The following ARAP2 variants were observed in gnomAD, a reference collection of about 807,000 sequenced individuals.
ARAP2 encodes the protein ArfGAP with RhoGAP domain, ankyrin repeat and PH domain 2.
In ARAP2, 148 loss-of-function variants were observed where a neutral mutation model predicts 194.5. The ratio of observed to expected loss-of-function variants is 0.76; its 90% CI spans 0.67 to 0.87. The LOEUF (loss-of-function observed/expected upper bound fraction) is 0.87. Ranked by LOEUF, ARAP2 falls within the 40% of genes least tolerant of loss-of-function variation. ARAP2 has a pLI of 0.00. For missense variants in ARAP2, 2,128 were observed against 1,989.7 expected (o/e 1.07, Z -1.32); for synonymous variants, 695 against 683.5 (o/e 1.02, Z -0.26).
intron 5 of ARAP2, among the ~76,000 whole-genome samples, chr4:36,040,980 C>G (rs774735306): frequency 4.3e-4 from 65 of 151,112 alleles, no homozygotes; most frequent in Non-Finnish European, 5.9e-4. Flanking sequence ...GTAGATGGCT[C>G]TTATTATTTT....
chr4:36,136,911 C>G (rs1442257038), intron 19 of ARAP2, among the ~76,000 whole-genome samples: 1 of 105,786 alleles, frequency 9.5e-6, no homozygotes, highest in Non-Finnish European at 1.8e-5. Context: ...TTAGAATGGA[C>G]ACACACATAC....
At chr4:36,148,561 A>G in intron 16 of ARAP2, 54 bp from the exon 17 acceptor site, 1 of 1,250,956 alleles carries the variant, frequency 8.0e-7, no homozygotes, top group Non-Finnish European at 1.2e-6. Flanking sequence ...CTCTTAAGAA[A>G]ATGAATAACA....
chr4:36,153,821 A>G (rs1430782043), intron 15 of ARAP2, among the ~76,000 whole-genome samples: 1 of 152,154 alleles, frequency 6.6e-6, no homozygotes, highest in Non-Finnish European at 1.5e-5. Flanking sequence ...CCTCTTCATC[A>G]TCATCATCAT....
At chr4:36,236,947 T>C (rs1251638420) in intron 1 of ARAP2, among the ~76,000 whole-genome samples, 2 of 152,188 alleles carry the variant, frequency 1.3e-5, no homozygotes, top group Non-Finnish European at 2.9e-5. Flanking sequence ...AAGAGAAAAG[T>C]GTCCCTGCCT....
intron 23 of ARAP2, 64 bp downstream of exon 23, chr4:36,121,115 A>T (rs4832795): frequency 0.35 from 435,271 of 1,247,110 alleles, 79,861 homozygotes; most frequent in East Asian, 0.49. Context: ...CTACAACATA[A>T]ATATTTGTTG....
At chr4:36,132,676 G>A (rs954625914) in intron 20 of ARAP2, among the ~76,000 whole-genome samples, 1 of 151,748 alleles carries the variant, frequency 6.6e-6, no homozygotes. Flanking sequence ...ACAGATCAAT[G>A]TATTTTTTAT....
At chr4:36,044,259 C>T (rs1431690390) in intron 5 of ARAP2, among the ~76,000 whole-genome samples, 4 of 151,956 alleles carry the variant, frequency 2.6e-5, no homozygotes, top group African/African-American at 7.3e-5. Flanking sequence ...TTCATGATCT[C>T]GATTAGAAGT....
chr4:36,211,118 T>C (rs912685104), intron 5 of ARAP2, among the ~76,000 whole-genome samples: 6 of 152,094 alleles, frequency 3.9e-5, no homozygotes, highest in Admixed American at 3.3e-4. Context: ...TGACGGACCA[T>C]TAACTCATCT....
At chr4:36,243,205 G>C (rs1753882367) in intron 1 of ARAP2, among the ~76,000 whole-genome samples, 3 of 151,864 alleles carry the variant, frequency 2.0e-5, no homozygotes, top group Admixed American at 6.6e-5. Context: ...TGGGGGTGTA[G>C]AGTGCTTAAG....
chr4:36,194,463 A>C (rs1022154598), intron 6 of ARAP2, among the ~76,000 whole-genome samples: 1 of 152,194 alleles, frequency 6.6e-6, no homozygotes, highest in African/African-American at 2.4e-5. Context: ...TTTTTAAAAA[A>C]TTTAAAAAAT....
At chr4:36,156,030 C>T (rs576576665) in intron 15 of ARAP2, among the ~76,000 whole-genome samples, 3 of 152,026 alleles carry the variant, frequency 2.0e-5, no homozygotes, top group Admixed American at 6.6e-5. Context: ...GCCTGTAATC[C>T]CAGCACATTG....
chr4:36,236,134 G>A (rs990866336), intron 1 of ARAP2, among the ~76,000 whole-genome samples: 2 of 148,614 alleles, frequency 1.3e-5, no homozygotes, highest in Non-Finnish European at 3.0e-5. Context: ...AGCTGAGATT[G>A]CATCACTGAA....
At chr4:36,223,794 C>A (rs1199463533) in intron 2 of ARAP2, among the ~76,000 whole-genome samples, 1 of 151,878 alleles carries the variant, frequency 6.6e-6, no homozygotes, top group African/African-American at 2.4e-5. Flanking sequence ...CATCTGATAG[C>A]CAGTAGAGAG....
intron 11 of ARAP2, among the ~76,000 whole-genome samples, chr4:36,161,909 A>C (rs895503616): frequency 6.6e-6 from 1 of 151,722 alleles, no homozygotes; most frequent in East Asian, 1.9e-4. Flanking sequence ...GAGATCGAGA[A>C]CATCCTGGCT....
chr4:36,143,137 C>T (rs993134439), intron 19 of ARAP2, among the ~76,000 whole-genome samples: 2 of 151,656 alleles, frequency 1.3e-5, no homozygotes, highest in African/African-American at 2.4e-5. Flanking sequence ...GTGCCTGTCA[C>T]GTATGTATAG....
chr4:36,201,060 T>C (rs540079394), intron 6 of ARAP2, among the ~76,000 whole-genome samples: 1 of 152,362 alleles, frequency 6.6e-6, no homozygotes, highest in Admixed American at 6.5e-5. Flanking sequence ...AGAAGTTATT[T>C]GGTACTACAT....
At chr4:36,217,284 G>T (rs1006262183) in intron 2 of ARAP2, among the ~76,000 whole-genome samples, 4 of 152,214 alleles carry the variant, frequency 2.6e-5, no homozygotes, top group Non-Finnish European at 5.9e-5. Context: ...AACCGAGGTG[G>T]GCAGATCACC....
intron 24 of ARAP2, among the ~76,000 whole-genome samples, chr4:36,118,068 G>A (rs1721794941): frequency 6.6e-6 from 1 of 151,080 alleles, no homozygotes; most frequent in South Asian, 2.1e-4. Context: ...AAACTTGTGG[G>A]GAAAAAAATT....
intron 21 of ARAP2, among the ~76,000 whole-genome samples, chr4:36,127,188 A>G (rs778800861): frequency 6.6e-6 from 1 of 152,130 alleles, no homozygotes; most frequent in Admixed American, 6.6e-5. Context: ...TTATAAGTCT[A>G]TAAAGTAGAG....
Sources: allele counts gnomAD v4.1 joint callset (sites outside exome capture counted in the v4.1 genomes callset), GRCh38; gene constraint gnomAD v4.1.1; transcripts MANE v1.5; gene names NCBI Gene and HGNC (gene_info 2026-07-23, HGNC 2026-07-21).